The following NBR1 variants were observed in gnomAD, a reference collection of about 807,000 sequenced individuals.
NBR1 encodes NBR1 autophagy cargo receptor, also known as next to BRCA1 gene 1 protein.
NBR1 carries 59 observed loss-of-function variants against 115.5 expected under a neutral mutation model. The observed-to-expected ratio is 0.51, with a 90% CI of 0.41 to 0.63. The LOEUF (loss-of-function observed/expected upper bound fraction) is 0.63, where lower values mean the gene tolerates loss of function less well. NBR1 is among the 30% of genes least tolerant of loss of function. The probability of loss-of-function intolerance (pLI) is 0.00; values close to 1 mark genes in which losing one functional copy is unlikely to be tolerated. For synonymous variants in NBR1, 373 were observed against 414.7 expected, an observed-to-expected ratio of 0.90 and a Z score of 1.22; for missense variants, 1,043 against 1,150.5, an observed-to-expected ratio of 0.91 and a Z score of 1.35.
At chr17:43,198,856 G>A (rs370548636) in intron 16 of NBR1, among the ~76,000 whole-genome samples, 16 of 151,102 alleles carry the variant, frequency 1.1e-4, no homozygotes, top group African/African-American at 3.2e-4. Flanking sequence ...CCAGCTACTC[G>A]GGAGGCTGAG....
chr17:43,172,828 A>C (rs906808861), intron 1 of NBR1, among the ~76,000 whole-genome samples: 2 of 151,980 alleles, frequency 1.3e-5, no homozygotes, highest in Non-Finnish European at 2.9e-5. Context: ...GTTTATTATT[A>C]TTTATTTATT....
At chr17:43,197,164 G>A in intron 16 of NBR1, 58 bp downstream of exon 16, 6 of 1,483,574 alleles carry the variant, frequency 4.0e-6, no homozygotes, top group Non-Finnish European at 2.8e-6. Context: ...GTGACTGCCA[G>A]ACTTGACTAG....
intron 6 of NBR1, among the ~76,000 whole-genome samples, chr17:43,188,204 C>G (rs1238207823): frequency 6.6e-6 from 1 of 152,186 alleles, no homozygotes; most frequent in Non-Finnish European, 1.5e-5. Flanking sequence ...TTGCATTTCT[C>G]TAATGACCAG....
chr17:43,203,165 G>C (rs2057241222), intron 19 of NBR1, among the ~76,000 whole-genome samples: 1 of 151,674 alleles, frequency 6.6e-6, no homozygotes, highest in South Asian at 2.1e-4. Context: ...AAAAAAAAAA[G>C]AGTGTTTTAT....
At chr17:43,186,774 G>T (rs1190919866) in intron 6 of NBR1, among the ~76,000 whole-genome samples, 1 of 151,948 alleles carries the variant, frequency 6.6e-6, no homozygotes, top group Non-Finnish European at 1.5e-5. Flanking sequence ...GCTGTGTTTG[G>T]TTTTCTGTTC....
intron 1 of NBR1, among the ~76,000 whole-genome samples, chr17:43,173,237 CCT>C (rs1381291753): frequency 6.6e-6 from 1 of 152,142 alleles, no homozygotes; most frequent in African/African-American, 2.4e-5. Flanking sequence ...TCCGCCTCAG[CCT>C]CCCAAAGTGC....
Position 43,189,714 on chromosome 17 carries a change from A to G in NBR1, c.607A>G (p.Thr203Ala), listed in dbSNP as rs771971653. The G allele has an allele frequency of 3.7e-5, 59 of 1,613,874 alleles. No homozygotes were observed. Among genetic ancestry groups the G allele is most frequent in the Non-Finnish European group, 4.8e-5 (57 of 1,179,890 alleles). ...AGTCTCAATGCCTACTTCAGAAGAAACATTGTTTTTGCCAGAAAACCAGTT... is the reference window on the plus strand; with the variant it reads ...AGTCTCAATGCCTACTTCAGAAGAAGCATTGTTTTTGCCAGAAAACCAGTT... ...SEVSMPTSEE[T>A]LFLPENQFSW... The change falls in exon 8 of 21, where the codon ACA becomes GCA. Residue 203 changes from threonine (T) to alanine (A), a missense_variant. Coordinates refer to ENST00000590996, the MANE Select transcript of NBR1 (RefSeq NM_005899.5).
chr17:43,195,278 G>A, intron 14 of NBR1: 1 of 483,920 alleles, frequency 2.1e-6, no homozygotes, highest in South Asian at 2.4e-5. Context: ...CAAGGCAGGA[G>A]GATCACTTGA....
intron 20 of NBR1, among the ~76,000 whole-genome samples, chr17:43,205,969 G>C (rs1418829692): frequency 6.6e-6 from 1 of 151,208 alleles, no homozygotes; most frequent in African/African-American, 2.4e-5. Flanking sequence ...CATGAGGTCA[G>C]GAGTTCGAGA....
intron 20 of NBR1, among the ~76,000 whole-genome samples, chr17:43,206,345 G>T (rs1370527525): frequency 6.6e-6 from 1 of 151,912 alleles, no homozygotes; most frequent in Non-Finnish European, 1.5e-5. Flanking sequence ...CGGCTACATT[G>T]TAGAGGCTGG....
In NBR1 at chr17:43,211,665, A is replaced by C. The variant is rs1046603371; in HGVS notation, c.*1591A>C. The stretch of plus-strand genomic sequence containing the variant: ...TACATAACCACCTAAAGAATGGTGA[A>C]ATAAATGTTCTTGGAAATTCCTACC... On this transcript the variant is annotated 3_prime_UTR_variant, in exon 21 of 21. Coordinates refer to ENST00000590996, the MANE Select transcript of NBR1 (RefSeq NM_005899.5). 5 of 152,144 alleles carry C rather than the reference A, an allele frequency of 3.3e-5. No homozygotes were observed. Among genetic ancestry groups the C allele is most frequent in the African/African-American group, 1.2e-4 (5 of 41,430 alleles). The allele number at this position is 152,144 out of a possible 1,614,324, so 9.4% of individuals were successfully genotyped here. A position where few individuals can be genotyped will look rare whatever the true frequency, so the allele number is the denominator to read the frequency against.
chr17:43,178,354 G>A (rs2154581964), intron 3 of NBR1, among the ~76,000 whole-genome samples: 1 of 149,588 alleles, frequency 6.7e-6, no homozygotes, highest in South Asian at 2.1e-4. Flanking sequence ...GCCTGGCCTG[G>A]CCTGAGAGAA....
intron 17 of NBR1, 70 bp from the exon 18 acceptor site, chr17:43,201,616 G>A: frequency 1.1e-6 from 1 of 897,260 alleles, no homozygotes; most frequent in Non-Finnish European, 1.9e-6. Context: ...GCTGTGCTGT[G>A]TTTACTATTT....
At chr17:43,173,014 G>A (rs2056414790) in intron 1 of NBR1, among the ~76,000 whole-genome samples, 1 of 152,042 alleles carries the variant, frequency 6.6e-6, no homozygotes, top group Non-Finnish European at 1.5e-5. Context: ...TTTTAGTAGA[G>A]ACGGGGTTTC....
Position 43,180,820 on chromosome 17 carries a change from A to G in NBR1, c.207+3A>G, listed in dbSNP as rs1266995176. On this transcript the variant is annotated splice_donor_region_variant and intron_variant, in intron 5 of 20. Coordinates refer to ENST00000590996, the MANE Select transcript of NBR1 (RefSeq NM_005899.5). ...GAGAATATGAAGAAGCGCTTAAGGT[A>G]ATGATTATTTAATCTCATTTTTAAA... is the stretch of plus-strand genomic sequence containing the variant. The G allele has an allele frequency of 2.1e-6, 3 of 1,443,784 alleles. No homozygotes were observed. Among genetic ancestry groups the G allele is most frequent in the African/African-American group, 1.5e-5 (1 of 67,506 alleles). The allele number at this position is 1,443,784 out of a possible 1,614,324, so 89.4% of individuals were successfully genotyped here. A position where few individuals can be genotyped will look rare whatever the true frequency, so the allele number is the denominator to read the frequency against.
chr17:43,194,292 C>T, intron 12 of NBR1, 58 bp from the exon 13 acceptor site: 1 of 1,466,444 alleles, frequency 6.8e-7, no homozygotes, highest in South Asian at 1.4e-5. Context: ...GCATTGTCAG[C>T]CTGCCTCTTC....
chr17:43,204,864 T>G (rs2057282903), intron 20 of NBR1, among the ~76,000 whole-genome samples: 1 of 147,928 alleles, frequency 6.8e-6, no homozygotes, highest in South Asian at 2.1e-4. Context: ...TCCCAGTTAC[T>G]TGGGAAACTA....
At chr17:43,190,575 T>A (rs571253948) in intron 8 of NBR1, 34 bp from the exon 9 acceptor site, 1 of 1,552,432 alleles carries the variant, frequency 6.4e-7, no homozygotes, top group Admixed American at 2.0e-5. Context: ...CTTCCTATTC[T>A]GCCATTGTGT....
chr17:43,200,927 G>A (rs2057184705), intron 17 of NBR1, among the ~76,000 whole-genome samples: 1 of 145,714 alleles, frequency 6.9e-6, no homozygotes, highest in Non-Finnish European at 1.5e-5. Context: ...GGAGTGCAGT[G>A]GCACAATCTT....
Sources: allele counts gnomAD v4.1 joint callset (sites outside exome capture counted in the v4.1 genomes callset), GRCh38; gene constraint gnomAD v4.1.1; transcripts MANE v1.5; gene names NCBI Gene and HGNC (gene_info 2026-07-23, HGNC 2026-07-21).